The following KLC3 variants were observed in gnomAD, a reference collection of about 807,000 sequenced individuals.
The protein encoded by KLC3 is kinesin light chain 2.
In KLC3, 72 loss-of-function variants were observed where a neutral mutation model predicts 62.9. That is an observed-to-expected ratio of 1.15 (90% CI 0.95 to 1.39). The LOEUF is 1.39. Ranked by LOEUF, KLC3 falls within the 40% of genes most tolerant of loss-of-function variation. The pLI is 0.00. For synonymous variants in KLC3, 377 were observed against 300.5 expected, an observed-to-expected ratio of 1.25 and a Z score of -2.63; for missense variants, 848 against 691.6, an observed-to-expected ratio of 1.23 and a Z score of -2.54.
chr19:45,341,557 GTGT>G (rs1971394921), intron 1 of KLC3, among the ~76,000 whole-genome samples: 1 of 129,346 alleles, frequency 7.7e-6, no homozygotes, highest in South Asian at 2.5e-4. Context: ...GCCTGTTGGT[GTGT>G]GTGTGTGTGT....
At position 45,348,141 on chromosome 19, in the gene KLC3, A is replaced by G. The variant is rs774496737; in HGVS notation, c.760A>G (p.Ile254Val). Residue 254 changes from isoleucine (I) to valine (V), a missense_variant, in exon 5 of 13, where the codon ATC becomes GTC. By Grantham distance (29) the Ile-to-Val change is conservative. Transcript: ENST00000391946. ...CHPDVATMLN[I>V]LALVYRDQNK... The stretch of plus-strand genomic sequence containing the variant: ...CCCTGACGTGGCCACCATGCTCAAC[A>G]TCCTGGCGCTGGTGTACCGGTGAGC... The G allele has an allele frequency of 1.3e-6, 2 of 1,595,116 alleles. No individual in the cohort carries two copies. The highest frequency in any genetic ancestry group is 8.5e-7 in the Non-Finnish European group (1 of 1,170,296).
chr19:45,345,493 C>T (rs1162992185), intron 1 of KLC3, 41 bp from the exon 2 acceptor site: 2 of 1,551,258 alleles, frequency 1.3e-6, no homozygotes, highest in Non-Finnish European at 1.7e-6. Context: ...ACTGACTGGC[C>T]CGGGCAATGA....
chr19:45,346,437 C>T (rs1418867443), intron 2 of KLC3, 107 bp from the exon 3 acceptor site: 13 of 926,332 alleles, frequency 1.4e-5, no homozygotes, highest in Middle Eastern at 2.6e-4. Context: ...CTGGGGGTGT[C>T]GTGCATAGTA....
chr19:45,348,655 C>T lies in KLC3; in HGVS notation c.789C>T (p.Asn263=), dbSNP rs766078436. ...GGGGCGCCCCCCACAGGGACCAGAA[C>T]AAGTACAAAGAAGCCACAGACCTTC... ...NILALVYRDQ[N]KYKEATDLLH... is the part of the protein sequence containing the mutation. Residue 263 remains asparagine (N), a synonymous_variant, in exon 6 of 13, where the codon AAC becomes AAT. Transcript: ENST00000391946. 6.3e-7 allele frequency: 1 copy of T among 1,582,278 alleles called. No homozygotes were observed. Among genetic ancestry groups the T allele is most frequent in the East Asian group, 2.3e-5 (1 of 42,852 alleles).
chr19:45,345,388 A>T, intron 1 of KLC3, 146 bp from the exon 2 acceptor site: 1 of 1,010,762 alleles, frequency 9.9e-7, no homozygotes, highest in Non-Finnish European at 1.5e-6. Context: ...GTGTGGAGGC[A>T]GAGGGCTGGC....
chr19:45,346,838 CCCTCCTTAGAATCCCACAGTCCCCAAGAT>C (rs56146951), intron 3 of KLC3, 64 bp downstream of exon 3: 47 of 1,133,722 alleles, frequency 4.1e-5, no homozygotes, highest in South Asian at 3.0e-4. Flanking sequence ...GTCCCCCAGA[CCCTCCTTAGAATCCCACAGTCCCCAAGAT>C]CCTCCTTAGA....
intron 1 of KLC3, among the ~76,000 whole-genome samples, chr19:45,341,925 G>A (rs927579795): frequency 4.6e-5 from 7 of 152,030 alleles, no homozygotes; most frequent in African/African-American, 1.7e-4. Context: ...CCTCCAAGCG[G>A]GTGACAGGAT....
chr19:45,349,420 G>C lies in KLC3; in HGVS notation c.970-9G>C, dbSNP rs561775447. 6.3e-7 allele frequency: 1 copy of C among 1,596,404 alleles called. No homozygotes were observed. Among genetic ancestry groups the C allele is most frequent in the South Asian group, 1.1e-5 (1 of 89,500 alleles). Reference sequence around the variant, plus strand: ...ATGATCCCTCTGACTTGTGACCCCTGGCCCCCAGGTCCTGGGTGCTGACCA... The same window carrying C: ...ATGATCCCTCTGACTTGTGACCCCTCGCCCCCAGGTCCTGGGTGCTGACCA... On this transcript the variant is annotated splice_polypyrimidine_tract_variant and intron_variant, in intron 7 of 12. Transcript: ENST00000391946.
intron 12 of KLC3, 31 bp from the exon 13 acceptor site, chr19:45,351,255 C>A: frequency 6.2e-7 from 1 of 1,605,454 alleles, no homozygotes; most frequent in Non-Finnish European, 8.5e-7. Context: ...CCCTCACCTC[C>A]CCTCCAACCA....
In KLC3 at chr19:45,351,297, G is replaced by T. The variant is rs1251138166; in HGVS notation, c.1455G>T (p.Trp485Cys). 6.2e-7 allele frequency: 1 copy of T among 1,612,552 alleles called. No individual in the cohort carries two copies. The highest frequency in any genetic ancestry group is 1.1e-5 in the South Asian group (1 of 91,074). ...GTGCCTGTCTCCAGTTTCCCAGCTG[G>T]CACCTGGACAAGGCCCCTCGGACCC... ...PRAPGTQFPS[W>C]HLDKAPRTLS... is the part of the protein sequence containing the mutation. Residue 485 changes from tryptophan to cysteine, a missense_variant, in exon 13 of 13, where the codon TGG (tryptophan) becomes TGT (cysteine). Trp to Cys is a radical substitution (Grantham distance 215). Coordinates refer to ENST00000391946, the MANE Select transcript of KLC3 (RefSeq NM_177417.3).
At position 45,346,748 on chromosome 19, in the gene KLC3, C is replaced by A. The variant is rs772341059; in HGVS notation, c.463C>A (p.Gln155Lys). 3 of 1,586,390 alleles carry A rather than the reference C, an allele frequency of 1.9e-6. No individual in the cohort carries two copies. In the Admixed American group the frequency reaches 5.4e-5, roughly 28 times the overall value. ...CCTGGAGTTCCTGGGGCAGCTGCGA[C>A]AGTACGACCCACCGGCGGAGAGCCA... The part of the protein sequence containing the change: ...RHLEFLGQLR[Q>K]YDPPAESQQS... The change falls in exon 3 of 13, where the codon CAG becomes AAG. Residue 155 changes from glutamine to lysine, a missense_variant. Gln to Lys is a moderately conservative substitution (Grantham distance 53, BLOSUM62 1). Coordinates refer to ENST00000391946, the MANE Select transcript of KLC3 (RefSeq NM_177417.3).
intron 1 of KLC3, among the ~76,000 whole-genome samples, chr19:45,341,282 C>G (rs1010392952): frequency 2.7e-5 from 4 of 150,898 alleles, no homozygotes; most frequent in Admixed American, 6.6e-5. Flanking sequence ...GTCCGTGTAA[C>G]CCTGTGATGG....
At chr19:45,350,610 G>A in intron 10 of KLC3, 31 bp from the exon 11 acceptor site, 1 of 1,613,434 alleles carries the variant, frequency 6.2e-7, no homozygotes, top group Non-Finnish European at 8.5e-7. Flanking sequence ...TGGGCCTGGG[G>A]GACTGAGCAG....
chr19:45,341,414 T>C (rs1053838266), intron 1 of KLC3, among the ~76,000 whole-genome samples: 3 of 152,124 alleles, frequency 2.0e-5, no homozygotes, highest in Non-Finnish European at 4.4e-5. Context: ...AGTGCGACTG[T>C]AGTCGACTTT....
intron 12 of KLC3, 115 bp from the exon 13 acceptor site, chr19:45,351,171 G>T: frequency 1.3e-6 from 2 of 1,585,472 alleles, no homozygotes; most frequent in Non-Finnish European, 1.7e-6. Context: ...GGTTTTACTT[G>T]GGGTAGAGGC....
Position 45,345,611 on chromosome 19 carries a change from G to GT in KLC3, c.71dup (p.Arg25AlafsTer142). Reference sequence around the variant, plus strand: ...AGAGCGCCTGAGCCCTGAGGAGCTGGTGCGGCAGACGCGGCAAGTGGTCCA... The same window carrying GT: ...AGAGCGCCTGAGCCCTGAGGAGCTGGTTGCGGCAGACGCGGCAAGTGGTCCA... On this transcript the variant is annotated frameshift_variant, in exon 2 of 13. Coordinates refer to ENST00000391946, the MANE Select transcript of KLC3 (RefSeq NM_177417.3). LOFTEE classifies it high-confidence loss of function. 6.3e-7 allele frequency: 1 copy of GT among 1,579,910 alleles called. No homozygotes were observed. The highest frequency in any genetic ancestry group is 1.3e-5 in the African/African-American group (1 of 74,514).
At chr19:45,348,411 C>CAG (rs1277240107) in intron 5 of KLC3, among the ~76,000 whole-genome samples, 4 of 152,154 alleles carry the variant, frequency 2.6e-5, no homozygotes, top group Non-Finnish European at 5.9e-5. Context: ...GGGACCCCAA[C>CAG]AGAGCAGGCA....
intron 1 of KLC3, among the ~76,000 whole-genome samples, chr19:45,344,448 G>A (rs1971449414): frequency 6.7e-6 from 1 of 150,166 alleles, no homozygotes. Context: ...TGAACTCTTG[G>A]CCTCAAGTGA....
At chr19:45,342,357 G>A (rs1008882748) in intron 1 of KLC3, among the ~76,000 whole-genome samples, 3 of 152,050 alleles carry the variant, frequency 2.0e-5, no homozygotes, top group East Asian at 1.9e-4. Context: ...AGGCTGAGGC[G>A]GCGGGGATTG....
Sources: gnomAD v4.1 joint callset for allele counts (sites outside exome capture counted in the v4.1 genomes callset) on GRCh38, gnomAD v4.1.1 for gene constraint, MANE v1.5 for transcripts, NCBI Gene and HGNC (gene_info 2026-07-23, HGNC 2026-07-21) for gene names.